Variants in CAMK2D observed in about 807,000 individuals in gnomAD.
CAMK2D encodes calcium/calmodulin-dependent protein kinase type II subunit delta.
Under a neutral mutation model 84.0 loss-of-function variants are expected in CAMK2D, and 37 were observed. That is an observed-to-expected ratio of 0.44 (90% CI 0.34 to 0.58). CAMK2D has a LOEUF of 0.58. Among genes scored for constraint, CAMK2D ranks in the 20% least tolerant of loss-of-function variants. The pLI, the probability that CAMK2D is intolerant of heterozygous loss-of-function variation, is 0.02. For missense variants in CAMK2D, 448 were observed against 652.5 expected, an observed-to-expected ratio of 0.69 and a Z score of 3.41; for synonymous variants, 202 against 212.5, an observed-to-expected ratio of 0.95 and a Z score of 0.43.
At chr4:113,544,857 G>A (rs1013806703) in intron 6 of CAMK2D, among the ~76,000 whole-genome samples, 3 of 152,010 alleles carry the variant, frequency 2.0e-5, no homozygotes, top group South Asian at 2.1e-4. Flanking sequence ...GCCTGGTGCC[G>A]ATGGATGTAC....
intron 3 of CAMK2D, among the ~76,000 whole-genome samples, chr4:113,639,495 A>G (rs1315320538): frequency 6.6e-6 from 1 of 152,060 alleles, no homozygotes; most frequent in Non-Finnish European, 1.5e-5. Flanking sequence ...CACTGTGCAA[A>G]TCAGAAAAAG....
chr4:113,627,587 T>A (rs943829378), intron 3 of CAMK2D, among the ~76,000 whole-genome samples: 3 of 152,196 alleles, frequency 2.0e-5, no homozygotes, highest in Non-Finnish European at 2.9e-5. Context: ...GAAGCTTATC[T>A]AACACACAGA....
chr4:113,490,059 A>T (rs1320816974), intron 16 of CAMK2D, among the ~76,000 whole-genome samples: 4 of 150,538 alleles, frequency 2.7e-5, no homozygotes, highest in African/African-American at 4.9e-5. Context: ...GTCAGATGAG[A>T]AGGTTGCGAA....
intron 3 of CAMK2D, among the ~76,000 whole-genome samples, chr4:113,614,658 C>T (rs1257987297): frequency 6.6e-6 from 1 of 152,084 alleles, no homozygotes; most frequent in African/African-American, 2.4e-5. Flanking sequence ...GTAGAGCACC[C>T]AACTGACTGA....
chr4:113,655,285 T>C (rs2099194083), intron 3 of CAMK2D, among the ~76,000 whole-genome samples: 1 of 152,046 alleles, frequency 6.6e-6, no homozygotes, highest in African/African-American at 2.4e-5. Flanking sequence ...ACTATGCCTC[T>C]TATTATCTGT....
intron 3 of CAMK2D, among the ~76,000 whole-genome samples, chr4:113,638,979 A>G (rs1592313060): frequency 6.6e-6 from 1 of 152,132 alleles, no homozygotes; most frequent in African/African-American, 2.4e-5. Flanking sequence ...ACGGTGGTTC[A>G]CGCCTGTAAT....
intron 2 of CAMK2D, among the ~76,000 whole-genome samples, chr4:113,712,032 T>C (rs1480214517): frequency 2.0e-5 from 3 of 152,064 alleles, no homozygotes; most frequent in Non-Finnish European, 4.4e-5. Flanking sequence ...CACCCACCAC[T>C]CCAATGAACA....
chr4:113,507,908 A>T (rs2098151813), intron 13 of CAMK2D, among the ~76,000 whole-genome samples: 1 of 151,638 alleles, frequency 6.6e-6, no homozygotes, highest in African/African-American at 2.4e-5. Context: ...AAAGAACATT[A>T]AAAAAAACAT....
At chr4:113,494,640 G>C (rs2097901334) in intron 16 of CAMK2D, among the ~76,000 whole-genome samples, 1 of 152,232 alleles carries the variant, frequency 6.6e-6, no homozygotes, top group Admixed American at 6.5e-5. Flanking sequence ...GAGGCAGGCA[G>C]GCCTCCTTGA....
intron 3 of CAMK2D, among the ~76,000 whole-genome samples, chr4:113,660,592 T>C (rs770654639): frequency 5.9e-5 from 9 of 152,066 alleles, no homozygotes; most frequent in Non-Finnish European, 1.3e-4. Flanking sequence ...GGTCTTGCCA[T>C]ATTGCCCAGG....
intron 4 of CAMK2D, among the ~76,000 whole-genome samples, chr4:113,560,266 A>C (rs2098692195): frequency 6.6e-6 from 1 of 151,572 alleles, no homozygotes; most frequent in Non-Finnish European, 1.5e-5. Flanking sequence ...AAATAGCTTC[A>C]TGGAGAGTTA....
chr4:113,626,262 T>C (rs1232633119), intron 3 of CAMK2D, among the ~76,000 whole-genome samples: 3 of 152,162 alleles, frequency 2.0e-5, no homozygotes, highest in African/African-American at 7.2e-5. Context: ...ATGCCAAATG[T>C]ATCATCTAAC....
intron 4 of CAMK2D, among the ~76,000 whole-genome samples, chr4:113,565,714 A>C (rs2154215896): frequency 6.6e-6 from 1 of 152,186 alleles, no homozygotes; most frequent in South Asian, 2.1e-4. Flanking sequence ...GTGCAAGATA[A>C]GATGCCATAG....
chr4:113,725,414 T>C (rs1208048630), intron 2 of CAMK2D, among the ~76,000 whole-genome samples: 2 of 152,046 alleles, frequency 1.3e-5, no homozygotes, highest in African/African-American at 4.8e-5. Context: ...TGAAAATAAA[T>C]TACTCCTAAT....
intron 2 of CAMK2D, among the ~76,000 whole-genome samples, chr4:113,731,154 T>C (rs569140027): frequency 1.0e-3 from 155 of 152,304 alleles, no homozygotes; most frequent in African/African-American, 3.7e-3. Flanking sequence ...AAATCTGCTT[T>C]CACTAAAGCA....
intron 16 of CAMK2D, among the ~76,000 whole-genome samples, chr4:113,485,581 A>G (rs1240977400): frequency 6.6e-6 from 1 of 152,176 alleles, no homozygotes; most frequent in Non-Finnish European, 1.5e-5. Context: ...TTGGTCTTAT[A>G]GCCTTCAAAT....
chr4:113,562,769 T>C (rs1441237075), intron 4 of CAMK2D, among the ~76,000 whole-genome samples: 3 of 152,370 alleles, frequency 2.0e-5, no homozygotes, highest in South Asian at 4.1e-4. Context: ...AGGCAACTAA[T>C]TTACTGAAAC....
At chr4:113,609,406 G>T (rs1327508110) in intron 3 of CAMK2D, among the ~76,000 whole-genome samples, 200 bp from the exon 4 acceptor site, 1 of 151,904 alleles carries the variant, frequency 6.6e-6, no homozygotes, top group Non-Finnish European at 1.5e-5. Flanking sequence ...CTGAAAACTG[G>T]TAACTATGTG....
At chr4:113,480,578 CATCTGTA>C (rs1349597043) in intron 16 of CAMK2D, among the ~76,000 whole-genome samples, 1 of 151,750 alleles carries the variant, frequency 6.6e-6, no homozygotes, top group African/African-American at 2.4e-5. Context: ...CAGTGGCTCA[CATCTGTA>C]ATCCCAGCAC....
Sources: gnomAD v4.1 joint callset for allele counts (sites outside exome capture counted in the v4.1 genomes callset) on GRCh38, gnomAD v4.1.1 for gene constraint, MANE v1.5 for transcripts, NCBI Gene and HGNC (gene_info 2026-07-23, HGNC 2026-07-21) for gene names.